Variants in NCAPD2 observed in about 807,000 individuals in gnomAD.
NCAPD2 encodes non-SMC condensin I complex subunit D2, also known as condensin complex subunit 1.
NCAPD2 carries 100 observed loss-of-function variants against 164.5 expected under a neutral mutation model. The observed-to-expected ratio is 0.61, with a 90% CI of 0.52 to 0.72. The LOEUF (loss-of-function observed/expected upper bound fraction) is 0.72, where lower values mean the gene tolerates loss of function less well. NCAPD2 is among the 30% of genes least tolerant of loss of function. The pLI is 0.00. For synonymous variants in NCAPD2, 585 were observed against 642.6 expected, an observed-to-expected ratio of 0.91 and a Z score of 1.36; for missense variants, 1,560 against 1,749.2, an observed-to-expected ratio of 0.89 and a Z score of 1.93.
At chr12:6,529,113 A>G (rs1193564494) in intron 27 of NCAPD2, 74 bp downstream of exon 27, 4 of 1,349,198 alleles carry the variant, frequency 3.0e-6, no homozygotes, top group Non-Finnish European at 4.2e-6. Context: ...CTGTATTTGA[A>G]TTCCACCTCG....
At chr12:6,504,214 T>TATATATATACAC (rs1565539606) in intron 2 of NCAPD2, among the ~76,000 whole-genome samples, 37 of 21,138 alleles carry the variant, frequency 1.8e-3, no homozygotes, top group South Asian at 2.6e-3. Flanking sequence ...TATATATATA[T>TATATATATACAC]ATAGATATAG....
At chr12:6,526,016 C>A in intron 18 of NCAPD2, 52 bp from the exon 19 acceptor site, 8 of 1,598,462 alleles carry the variant, frequency 5.0e-6, no homozygotes, top group Non-Finnish European at 6.0e-6. Context: ...CCTTTCTCCC[C>A]CGATGAGTCC....
Position 6,526,292 on chromosome 12 carries a change from T to G in NCAPD2, c.2487T>G (p.Ser829=). ...IANISDRRKP[S]LGKRHPPFRL... ...CGTTGTCTTGCTCTCCACAGCCTTCTCTGGGCAAACGTCACCCCCCCTTCC... is the reference window on the plus strand; with the variant it reads ...CGTTGTCTTGCTCTCCACAGCCTTCGCTGGGCAAACGTCACCCCCCCTTCC... The change falls in exon 20 of 32, where the codon TCT becomes TCG. Residue 829 remains serine (S), a synonymous_variant. Coordinates refer to ENST00000315579, the MANE Select transcript of NCAPD2 (RefSeq NM_014865.4). 6.2e-7 allele frequency: 1 copy of G among 1,614,188 alleles called. No individual in the cohort carries two copies. The highest frequency in any genetic ancestry group is 8.5e-7 in the Non-Finnish European group (1 of 1,180,030).
intron 15 of NCAPD2, among the ~76,000 whole-genome samples, chr12:6,522,270 T>C (rs1946270867): frequency 6.6e-6 from 1 of 151,990 alleles, no homozygotes; most frequent in South Asian, 2.1e-4. Flanking sequence ...TTTATTGATA[T>C]ATCTATCTGC....
At chr12:6,520,100 A>G (rs10774436) in intron 13 of NCAPD2, among the ~76,000 whole-genome samples, 116,967 of 151,078 alleles carry the variant, frequency 0.77, 45,846 homozygotes, top group African/African-American at 0.91. Flanking sequence ...AGAATCACTC[A>G]AACCTAGGAA....
intron 17 of NCAPD2, 52 bp downstream of exon 17, chr12:6,523,398 G>GTTTTTTTTTT (rs3076239): frequency 4.6e-5 from 40 of 873,252 alleles, no homozygotes; most frequent in African/African-American, 1.3e-4. Flanking sequence ...TATTTTGGTT[G>GTTTTTTTTTT]TTTTTTTTTT....
At chr12:6,502,307 T>G (rs192860303) in intron 2 of NCAPD2, among the ~76,000 whole-genome samples, 1 of 152,336 alleles carries the variant, frequency 6.6e-6, no homozygotes, top group East Asian at 1.9e-4. Flanking sequence ...TCTGTCTGCT[T>G]CTGTTTCCTC....
Position 6,531,409 on chromosome 12 carries a change from C to G in NCAPD2, c.4203C>G (p.Ser1401=). 1.2e-6 allele frequency: 2 copies of G among 1,613,428 alleles called. No homozygotes were observed. Among genetic ancestry groups the G allele is most frequent in the Admixed American group, 3.3e-5 (2 of 59,980 alleles). ...ILRASARRHR[S] ...GAGCATCGGCTCGCAGGCACAGATC[C>G]TAGGAAGTCTGTTCCTGTCCTCCCT... Residue 1401 remains serine (S), a synonymous_variant, in exon 32 of 32, where the codon TCC becomes TCG. Coordinates refer to ENST00000315579, the MANE Select transcript of NCAPD2 (RefSeq NM_014865.4). This position sits in a 1 kb window ranked among gnomAD's most constrained non-coding sequence, Gnocchi z 4.1.
rs767351272 is a variant in NCAPD2 at position 6,495,197 on chromosome 12, C to T, written c.99C>T (p.Ser33=). 3 of 1,614,064 alleles carry T rather than the reference C, an allele frequency of 1.9e-6. No homozygotes were observed. The highest frequency in any genetic ancestry group is 2.5e-6 in the Non-Finnish European group (3 of 1,179,996). Residue 33 remains serine (S), a synonymous_variant, in exon 2 of 32, where the codon TCC becomes TCT. Transcript: ENST00000315579. ...AGTATGTTGTGCAAGAGGTACTGTC[C>T]ATCAAACATCTTCCACCACAGCTTA... ...VNQYVVQEVL[S]IKHLPPQLRA... is the part of the protein sequence containing the mutation.
intron 14 of NCAPD2, among the ~76,000 whole-genome samples, 170 bp downstream of exon 14, chr12:6,521,280 T>G (rs936607777): frequency 2.0e-5 from 3 of 152,254 alleles, no homozygotes; most frequent in African/African-American, 7.2e-5. Flanking sequence ...GGCCTAAGAT[T>G]GATAGTCACA....
At chr12:6,520,316 A>G (rs1946253103) in intron 13 of NCAPD2, among the ~76,000 whole-genome samples, 1 of 151,718 alleles carries the variant, frequency 6.6e-6, no homozygotes, top group African/African-American at 2.4e-5. Context: ...ATCACAACTC[A>G]CTGCAGCTTT....
intron 14 of NCAPD2, 124 bp from the exon 15 acceptor site, chr12:6,521,674 A>C (rs1946264637): frequency 8.0e-7 from 1 of 1,242,770 alleles, no homozygotes; most frequent in East Asian, 2.3e-5. Flanking sequence ...CAACAGAGTG[A>C]GACCCCATCT....
chr12:6,510,236 T>C (rs714775), intron 4 of NCAPD2, 103 bp downstream of exon 4: 216,464 of 1,234,104 alleles, frequency 0.18, 20,482 homozygotes, highest in East Asian at 0.28. Context: ...CATGATGATA[T>C]CAAGGCTGTT....
At chr12:6,506,266 GT>G (rs1047484932) in intron 2 of NCAPD2, among the ~76,000 whole-genome samples, 2 of 152,042 alleles carry the variant, frequency 1.3e-5, no homozygotes, top group African/African-American at 4.8e-5. Flanking sequence ...CCTGCATCAA[GT>G]TTTGATAAGT....
Position 6,530,958 on chromosome 12 carries a change from C to A in NCAPD2, c.4002C>A (p.Asp1334Glu). The A allele has an allele frequency of 1.2e-6, 2 of 1,614,238 alleles. No homozygotes were observed. The highest frequency in any genetic ancestry group is 1.7e-6 in the Non-Finnish European group (2 of 1,180,044). Residue 1334 changes from aspartate (D) to glutamate (E), a missense_variant, in exon 31 of 32, where the codon GAC becomes GAA. Coordinates refer to ENST00000315579, the MANE Select transcript of NCAPD2 (RefSeq NM_014865.4). Reference sequence around the variant, plus strand: ...AGCCTCTGGCTTCTACAGCCTCAGACAATGACTTTGTCACACCAGAGCCCC... The same window carrying A: ...AGCCTCTGGCTTCTACAGCCTCAGAAAATGACTTTGTCACACCAGAGCCCC... ...RYQPLASTAS[D>E]NDFVTPEPRR...
chr12:6,523,245 C>T lies in NCAPD2; in HGVS notation c.2130-17C>T, dbSNP rs767321877. On this transcript the variant is annotated splice_polypyrimidine_tract_variant and intron_variant, in intron 16 of 31. Transcript: ENST00000315579. ...TCCCAATCTTATAGTGACCGCTGAT[C>T]TCTGCTGTTCCCACAGAGCCAAGGC... 1 of 1,611,132 alleles carries T rather than the reference C, an allele frequency of 6.2e-7. No homozygotes were observed. The highest frequency in any genetic ancestry group is 1.1e-5 in the South Asian group (1 of 91,004).
intron 2 of NCAPD2, among the ~76,000 whole-genome samples, chr12:6,505,395 C>G (rs1184764091): frequency 1.3e-5 from 2 of 152,310 alleles, no homozygotes; most frequent in East Asian, 3.9e-4. Flanking sequence ...GAGAGACGAA[C>G]TGCTCACTGG....
rs71579331 is a variant in NCAPD2 at position 6,531,677 on chromosome 12, C to T, written c.*265C>T. 5.8e-3 allele frequency: 2,739 copies of T among 470,174 alleles called. 24 individuals carry two copies. The highest frequency in any genetic ancestry group is 0.014 in the Middle Eastern group (20 of 1,466). The allele number at this position is 470,174 out of a possible 1,614,324, so 29.1% of individuals were successfully genotyped here. A position where few individuals can be genotyped will look rare whatever the true frequency, so the allele number is the denominator to read the frequency against. On this transcript the variant is annotated 3_prime_UTR_variant, in exon 32 of 32. Transcript: ENST00000315579. This position sits in a 1 kb window ranked among gnomAD's most constrained non-coding sequence, Gnocchi z 4.1. ...AAAATTAGCCGGGCGTATTGGCGTG[C>T]GCCTGTAATCCCAGCTACTCAAGAG...
rs563057206 is a variant in NCAPD2 at position 6,527,782 on chromosome 12, G to A, written c.2913G>A (p.Thr971=). ...HKTKDPKEKN[T]SSETTMEEEL... Reference sequence around the variant, plus strand: ...CCCAATTTCATTCCCTTTAGAATACGAGCTCTGAGACCACCATGGAGGAGG... The same window carrying A: ...CCCAATTTCATTCCCTTTAGAATACAAGCTCTGAGACCACCATGGAGGAGG... Residue 971 remains threonine (T), a synonymous_variant, in exon 23 of 32, where the codon ACG becomes ACA. Coordinates refer to ENST00000315579, the MANE Select transcript of NCAPD2 (RefSeq NM_014865.4). 12 of 1,610,346 alleles carry A rather than the reference G, an allele frequency of 7.5e-6. No individual in the cohort carries two copies. The highest frequency in any genetic ancestry group is 3.3e-5 in the Admixed American group (2 of 59,864).
Sources: gnomAD v4.1 joint callset for allele counts (sites outside exome capture counted in the v4.1 genomes callset) on GRCh38, gnomAD v4.1.1 for gene constraint, Gnocchi (gnomAD v3.1) non-coding constraint, MANE v1.5 for transcripts, NCBI Gene and HGNC (gene_info 2026-07-23, HGNC 2026-07-21) for gene names.